Variants in NAV1 observed in about 807,000 individuals in gnomAD.
NAV1 encodes neuron navigator 1.
Under a neutral mutation model 175.2 loss-of-function variants are expected in NAV1, and 18 were observed. That is an observed-to-expected ratio of 0.10 (90% CI 0.07 to 0.15). NAV1 has a LOEUF of 0.15. NAV1 is among the 10% of genes least tolerant of loss of function. NAV1 has a pLI of 1.00. For missense variants in NAV1, 1,731 were observed against 2,436.6 expected, an observed-to-expected ratio of 0.71 and a Z score of 6.10; for synonymous variants, 897 against 978.7, an observed-to-expected ratio of 0.92 and a Z score of 1.56.
chr1:201,697,640 G>GT (rs1276916877), intron 1 of NAV1, among the ~76,000 whole-genome samples: 1 of 152,214 alleles, frequency 6.6e-6, no homozygotes, highest in Non-Finnish European at 1.5e-5. Flanking sequence ...CTTTTGATGA[G>GT]TTTTAACATT....
intron 1 of NAV1, among the ~76,000 whole-genome samples, chr1:201,551,111 C>T (rs1247224487): frequency 6.6e-6 from 1 of 152,222 alleles, no homozygotes; most frequent in Admixed American, 6.5e-5. Context: ...GTAACTTACC[C>T]AAAGCCACAT....
chr1:201,668,291 C>T (rs1392253096), intron 1 of NAV1, among the ~76,000 whole-genome samples: 2 of 152,180 alleles, frequency 1.3e-5, no homozygotes, highest in Non-Finnish European at 2.9e-5. Context: ...AATCTGATGG[C>T]TTTAGCAGGC....
intron 3 of NAV1, among the ~76,000 whole-genome samples, chr1:201,755,247 C>A (rs1458697142): frequency 6.6e-6 from 1 of 152,076 alleles, no homozygotes; most frequent in Non-Finnish European, 1.5e-5. Flanking sequence ...ATTTCCCCTG[C>A]CTGGGCAACA....
chr1:201,629,118 C>T (rs1257542304), intron 1 of NAV1, among the ~76,000 whole-genome samples: 2 of 152,162 alleles, frequency 1.3e-5, no homozygotes, highest in East Asian at 1.9e-4. Context: ...TAAGTGATAA[C>T]GTTCCTGGGA....
chr1:201,796,019 GAAT>G (rs1471898450), intron 15 of NAV1: 6 of 152,166 alleles, frequency 3.9e-5, no homozygotes, highest in African/African-American at 1.4e-4. Flanking sequence ...TTTTGTGGCT[GAAT>G]AATATTCCAT....
exon 22 of NAV1, chr1:201,809,459 A>C: frequency 6.2e-7 from 1 of 1,614,112 alleles, no homozygotes; most frequent in Non-Finnish European, 8.5e-7. Context: ...AGCAGCAGGA[A>C]TTCTTCCTGG....
chr1:201,760,930 C>T (rs1376874463), intron 3 of NAV1, among the ~76,000 whole-genome samples: 1 of 152,140 alleles, frequency 6.6e-6, no homozygotes. Context: ...ATATTCTTCT[C>T]TTTAGGTTTT....
At chr1:201,826,198 T>C (rs1001734417) in exon 30 of NAV1, 2 of 151,276 alleles carry the variant, frequency 1.3e-5, no homozygotes, top group Non-Finnish European at 2.9e-5. Context: ...CCGGGGGAGG[T>C]GAGTATAAAA....
intron 2 of NAV1, among the ~76,000 whole-genome samples, chr1:201,606,559 T>G (rs890163522): frequency 2.6e-5 from 4 of 152,228 alleles, no homozygotes; most frequent in Non-Finnish European, 5.9e-5. Context: ...ACAGAAGGAC[T>G]AGAAAGACTG....
At chr1:201,642,693 CT>C (rs201745215) in intron 2 of NAV1, among the ~76,000 whole-genome samples, 2,044 of 94,006 alleles carry the variant, frequency 0.022, 55 homozygotes, top group African/African-American at 0.074. Flanking sequence ...TCTTCCCTTT[CT>C]TCTCTCTCTT....
intron 1 of NAV1, among the ~76,000 whole-genome samples, chr1:201,687,602 A>G (rs933207933): frequency 6.6e-6 from 1 of 152,146 alleles, no homozygotes; most frequent in African/African-American, 2.4e-5. Flanking sequence ...CTACAGGTGG[A>G]AAAAAAATGA....
At chr1:201,619,231 G>GCCT (rs544378212), upstream of NAV1, among the ~76,000 whole-genome samples, 6 of 152,256 alleles carry the variant, frequency 3.9e-5, no homozygotes, top group Non-Finnish European at 8.8e-5. Flanking sequence ...GGGAGACGCA[G>GCCT]CCTCCTCAGC....
chr1:201,786,447 G>C, exon 9 of NAV1: 2 of 1,613,488 alleles, frequency 1.2e-6, no homozygotes, highest in Non-Finnish European at 1.7e-6. Flanking sequence ...TTCAGTCCCA[G>C]GAGGAGACCA....
intron 3 of NAV1, among the ~76,000 whole-genome samples, chr1:201,732,068 C>T (rs554378670): frequency 6.6e-6 from 1 of 152,228 alleles, no homozygotes; most frequent in South Asian, 2.1e-4. Flanking sequence ...ATCAGATACC[C>T]CTGAAGTTTG....
intron 1 of NAV1, among the ~76,000 whole-genome samples, chr1:201,667,711 C>A (rs562164379): frequency 6.6e-6 from 1 of 152,322 alleles, no homozygotes; most frequent in South Asian, 2.1e-4. Context: ...AACAAACTCA[C>A]CTCTCCCTCC....
chr1:201,549,363 C>G (rs1004807207), intron 1 of NAV1, among the ~76,000 whole-genome samples: 1 of 152,088 alleles, frequency 6.6e-6, no homozygotes, highest in Non-Finnish European at 1.5e-5. Context: ...CATGTACCAC[C>G]ACGCCTGGCT....
intron 3 of NAV1, among the ~76,000 whole-genome samples, chr1:201,743,085 T>G (rs1673537041): frequency 2.0e-5 from 3 of 152,194 alleles, no homozygotes; most frequent in Non-Finnish European, 4.4e-5. Flanking sequence ...TATCATCCCA[T>G]TTCACAGATG....
At chr1:201,556,176 C>T (rs1666003870) in intron 1 of NAV1, among the ~76,000 whole-genome samples, 1 of 152,094 alleles carries the variant, frequency 6.6e-6, no homozygotes, top group Non-Finnish European at 1.5e-5. Context: ...CTTTAGAAGG[C>T]CAAGGTGGGT....
intron 1 of NAV1, among the ~76,000 whole-genome samples, chr1:201,541,957 C>T (rs1206226531): frequency 1.3e-5 from 2 of 152,202 alleles, no homozygotes; most frequent in Admixed American, 1.3e-4. Flanking sequence ...ATCAGTGTCA[C>T]TTCCCTCTTC....
Sources: allele counts gnomAD v4.1 joint callset (sites outside exome capture counted in the v4.1 genomes callset), GRCh38; gene constraint gnomAD v4.1.1; transcripts MANE v1.5; gene names NCBI Gene and HGNC (gene_info 2026-07-23, HGNC 2026-07-21).